Variants in NKD1 observed in about 807,000 individuals in gnomAD.
NKD1 encodes the protein NKD inhibitor of Wnt signaling pathway 1, also known as protein naked cuticle homolog 1.
A neutral mutation model predicts 56.0 loss-of-function variants in NKD1; 21 were observed. The ratio of observed to expected loss-of-function variants is 0.38; its 90% CI spans 0.27 to 0.54. NKD1 has a LOEUF of 0.54. Among genes scored for constraint, NKD1 ranks in the 20% least tolerant of loss-of-function variants. The pLI, the probability that NKD1 is intolerant of heterozygous loss-of-function variation, is 0.82. For synonymous variants in NKD1, 263 were observed against 265.7 expected, an observed-to-expected ratio of 0.99 and a Z score of 0.10; for missense variants, 578 against 642.7, an observed-to-expected ratio of 0.90 and a Z score of 1.09.
At position 50,632,981 on chromosome 16, in the gene NKD1, T is replaced by C. The variant is rs1962379376; in HGVS notation, c.824-211T>C. ...CTCGGCTCCCTCTCGGAGAGTATTT[T>C]TGAAGACCTACCAAAGAACCAGTTC... On this transcript the variant is annotated intron_variant, in intron 9 of 9. Coordinates refer to ENST00000268459, the MANE Select transcript of NKD1 (RefSeq NM_033119.5). The surrounding 1 kb of genome is among the most constrained non-coding windows in gnomAD (Gnocchi z 4.1). Among the ~76,000 whole-genome samples the C allele has an allele frequency of 6.6e-6, 1 of 152,174 alleles. No homozygotes were observed. Among genetic ancestry groups the C allele is most frequent in the Admixed American group, 6.5e-5 (1 of 15,286 alleles).
chr16:50,550,343 T>A (rs767587506), intron 3 of NKD1, among the ~76,000 whole-genome samples: 1 of 151,840 alleles, frequency 6.6e-6, no homozygotes, highest in Non-Finnish European at 1.5e-5. Context: ...AACTTTTTGA[T>A]GTGACATTTA....
rs538856469 is a variant in NKD1, at chr16:50,592,357, C to G, written c.193-15937C>G. Among the ~76,000 whole-genome samples, 403 of 152,344 alleles carry G rather than the reference C, an allele frequency of 2.6e-3. 3 individuals are homozygous for G. Among genetic ancestry groups the G allele is most frequent in the African/African-American group, 9.4e-3 (389 of 41,578 alleles). Reference sequence around the variant, plus strand: ...GGTGGGTCCTAGCCCTGCCCCATGCCCTCCCCACTCCATGATTCATAGTTT... The same window carrying G: ...GGTGGGTCCTAGCCCTGCCCCATGCGCTCCCCACTCCATGATTCATAGTTT... On this transcript the variant is annotated intron_variant, in intron 3 of 9. Coordinates refer to ENST00000268459, the MANE Select transcript of NKD1 (RefSeq NM_033119.5).
chr16:50,591,492 G>A (rs887246169), intron 3 of NKD1, among the ~76,000 whole-genome samples: 11 of 152,220 alleles, frequency 7.2e-5, no homozygotes, highest in African/African-American at 2.7e-4. Flanking sequence ...GAGGAGGAAC[G>A]GAGCCTGGGG....
rs564678386 is a variant in NKD1 at position 50,636,725 on chromosome 16, T to C, written c.*2944T>C. The C allele has an allele frequency of 6.6e-6, 1 of 152,360 alleles. No individual in the cohort carries two copies. Among genetic ancestry groups the C allele is most frequent in the African/African-American group, 2.4e-5 (1 of 41,570 alleles). The allele number at this position is 152,360 out of a possible 1,614,324, so 9.4% of individuals were successfully genotyped here. ...CTTTACCAGAATAAATGCATTTCTA[T>C]ATCTTCCCATATGCATTTTGTTAAT... On this transcript the variant is annotated 3_prime_UTR_variant, in exon 10 of 10. Coordinates refer to ENST00000268459, the MANE Select transcript of NKD1 (RefSeq NM_033119.5).
chr16:50,630,755 C>G lies in NKD1; in HGVS notation c.611-71C>G, dbSNP rs1962326205. 4.4e-6 allele frequency: 6 copies of G among 1,369,554 alleles called. No homozygotes were observed. In the Admixed American group the frequency reaches 1.2e-4, roughly 27 times the overall value. The allele number at this position is 1,369,554 out of a possible 1,614,324, so 84.8% of individuals were successfully genotyped here. ...GTGGCCTTGCAAAGCAGCTGCACGC[C>G]AGGCAGCCCTGGGGAGGGTGGGAGC... On this transcript the variant is annotated intron_variant, in intron 7 of 9. Coordinates refer to ENST00000268459, the MANE Select transcript of NKD1 (RefSeq NM_033119.5).
At position 50,649,118 on chromosome 16, in the gene NKD1, T is replaced by C. The variant is rs1033566455; in HGVS notation, c.*15337T>C. On this transcript the variant is annotated 3_prime_UTR_variant, in exon 10 of 10. Transcript: ENST00000268459. ...TTTCTCCAGAATCCCTGGGCCACTT[T>C]TAGCAGTCAGATTCGTCTAATCCTC... The C allele has an allele frequency of 6.6e-6, 1 of 152,246 alleles. No homozygotes were observed. The highest frequency in any genetic ancestry group is 1.5e-5 in the Non-Finnish European group (1 of 68,046). 9.4% of individuals were successfully genotyped at this position (152,246 alleles called of 1,614,324 possible). A position where few individuals can be genotyped will look rare whatever the true frequency, so the allele number is the denominator to read the frequency against.
At position 50,598,722 on chromosome 16, in the gene NKD1, G is replaced by A. The variant is rs1198891843; in HGVS notation, c.193-9572G>A. 2.0e-5 allele frequency among the ~76,000 whole-genome samples: 3 copies of A among 152,192 alleles called. No homozygotes were observed. Among genetic ancestry groups the A allele is most frequent in the Admixed American group, 6.5e-5 (1 of 15,284 alleles). On this transcript the variant is annotated intron_variant, in intron 3 of 9. Coordinates refer to ENST00000268459, the MANE Select transcript of NKD1 (RefSeq NM_033119.5). This position sits in a 1 kb window ranked among gnomAD's most constrained non-coding sequence, Gnocchi z 4.2. ...TCAGCACTCGGCTGTGTGGCGTGGC[G>A]GGCCAGTGGCTGGGCTAGTCAGCAG...
intron 4 of NKD1, among the ~76,000 whole-genome samples, chr16:50,609,057 T>A (rs1961782811): frequency 6.6e-6 from 1 of 152,244 alleles, no homozygotes; most frequent in African/African-American, 2.4e-5. Flanking sequence ...ACTTCTGGCC[T>A]CGAGTGACCT....
intron 3 of NKD1, among the ~76,000 whole-genome samples, chr16:50,565,959 C>T (rs1318271929): frequency 6.6e-6 from 1 of 152,170 alleles, no homozygotes; most frequent in Non-Finnish European, 1.5e-5. Context: ...GACTTTAGAG[C>T]AACAGTGTGC....
In NKD1 at chr16:50,596,828, T is replaced by A. The variant is rs951163158; in HGVS notation, c.193-11466T>A. On this transcript the variant is annotated intron_variant, in intron 3 of 9. Transcript: ENST00000268459. Reference sequence around the variant, plus strand: ...CCTCACCTAGGTGACAAGGTGATAATGAACCCAAACCTGAAGGAGGGGCAG... The same window carrying A: ...CCTCACCTAGGTGACAAGGTGATAAAGAACCCAAACCTGAAGGAGGGGCAG... Among the ~76,000 whole-genome samples the A allele has an allele frequency of 9.2e-5, 14 of 152,284 alleles. 1 individual carries two copies. The South Asian group carries it at 1.0e-3, about 11-fold the overall frequency.
chr16:50,584,737 A>T (rs997749461), intron 3 of NKD1, among the ~76,000 whole-genome samples: 2 of 152,226 alleles, frequency 1.3e-5, no homozygotes, highest in African/African-American at 4.8e-5. Flanking sequence ...ATTGAGAGCT[A>T]CTGGGGCTGT....
intron 3 of NKD1, among the ~76,000 whole-genome samples, chr16:50,579,019 C>T (rs75654981): frequency 0.026 from 4,019 of 152,292 alleles, 88 homozygotes; most frequent in Non-Finnish European, 0.037. Flanking sequence ...CTCTCTCAGT[C>T]CCACAGGCTG....
intron 3 of NKD1, among the ~76,000 whole-genome samples, chr16:50,584,393 A>G (rs1385807334): frequency 6.6e-6 from 1 of 152,228 alleles, no homozygotes; most frequent in Non-Finnish European, 1.5e-5. Flanking sequence ...GTATGGAATC[A>G]GTTAGGCATG....
At chr16:50,557,635 G>T (rs1206420268) in intron 3 of NKD1, 1 of 152,182 alleles carries the variant, frequency 6.6e-6, no homozygotes, top group African/African-American at 2.4e-5. Flanking sequence ...TGTGTGATTT[G>T]TATGCTTGAT....
intron 3 of NKD1, among the ~76,000 whole-genome samples, chr16:50,590,777 C>T (rs1330417304): frequency 1.3e-5 from 2 of 152,246 alleles, no homozygotes; most frequent in African/African-American, 2.4e-5. Flanking sequence ...TGCTCCTTTA[C>T]TGCCATTATG....
chr16:50,591,319 G>GGGTT (rs1961362431), intron 3 of NKD1, among the ~76,000 whole-genome samples: 1 of 152,220 alleles, frequency 6.6e-6, no homozygotes, highest in Non-Finnish European at 1.5e-5. Context: ...GGCGCTGGGA[G>GGGTT]GGTTGGGTGC....
intron 3 of NKD1, among the ~76,000 whole-genome samples, chr16:50,554,911 C>T (rs1344545885): frequency 6.6e-6 from 1 of 152,226 alleles, no homozygotes; most frequent in Non-Finnish European, 1.5e-5. Context: ...TGAGCCACCA[C>T]ACTTGGCCTT....
intron 4 of NKD1, among the ~76,000 whole-genome samples, chr16:50,611,503 C>T (rs901039529): frequency 1.3e-5 from 2 of 152,214 alleles, no homozygotes; most frequent in African/African-American, 4.8e-5. Flanking sequence ...GCCTGGCGTG[C>T]GCATGTGGCA....
At chr16:50,562,203 A>G (rs1190656361) in intron 3 of NKD1, 1 of 505,016 alleles carries the variant, frequency 2.0e-6, no homozygotes, top group African/African-American at 2.1e-5. Flanking sequence ...CTGACAGGAA[A>G]GAGACCCTGA....
Sources: gnomAD v4.1 joint callset for allele counts (sites outside exome capture counted in the v4.1 genomes callset) on GRCh38, gnomAD v4.1.1 for gene constraint, Gnocchi (gnomAD v3.1) non-coding constraint, MANE v1.5 for transcripts, NCBI Gene and HGNC (gene_info 2026-07-23, HGNC 2026-07-21) for gene names.